The following PHF24 variants were observed in gnomAD, a reference collection of about 807,000 sequenced individuals.
The protein encoded by PHF24 is Galpha inhibitory interacting protein.
PHF24 carries 25 observed loss-of-function variants against 42.6 expected under a neutral mutation model. The observed-to-expected ratio is 0.59, with a 90% confidence interval of 0.43 to 0.82. The LOEUF is 0.82. Ranked by LOEUF, PHF24 falls within the 40% of genes least tolerant of loss-of-function variation. The probability of loss-of-function intolerance (pLI) is 0.00; values close to 1 mark genes in which losing one functional copy is unlikely to be tolerated. For missense variants in PHF24, 470 were observed against 538.1 expected (o/e 0.87, Z 1.25); for synonymous variants, 185 against 204.8 (o/e 0.90, Z 0.83).
At chr9:34,943,598 C>T in the PHF24 span, among the ~76,000 whole-genome samples, 1 of 152,154 alleles carries the variant, frequency 6.6e-6, no homozygotes, top group African/African-American at 2.4e-5. Context: ...ATTTTCCCTT[C>T]CTTGGTTTAT....
the PHF24 span, among the ~76,000 whole-genome samples, chr9:34,762,664 G>GGTGACCACA: frequency 6.7e-6 from 1 of 148,696 alleles, no homozygotes; most frequent in Non-Finnish European, 1.5e-5. Context: ...TCACTCTGAT[G>GGTGACCACA]GTAGTTTCTT....
chr9:34,810,541 C>T, the PHF24 span, among the ~76,000 whole-genome samples: 3 of 152,098 alleles, frequency 2.0e-5, no homozygotes, highest in Admixed American at 6.5e-5. Flanking sequence ...GCAGGAGCCT[C>T]GTGATGGTGG....
the PHF24 span, among the ~76,000 whole-genome samples, chr9:34,738,194 A>G: frequency 1.8e-4 from 28 of 152,242 alleles, no homozygotes; most frequent in Non-Finnish European, 2.9e-4. Context: ...ATCCCAAACA[A>G]GACTGCCTAG....
At chr9:34,868,381 G>C in the PHF24 span, among the ~76,000 whole-genome samples, 4 of 152,144 alleles carry the variant, frequency 2.6e-5, no homozygotes, top group East Asian at 1.9e-4. Context: ...ATCTCGATTC[G>C]TTTTCCTCTG....
At chr9:34,884,226 G>T in the PHF24 span, among the ~76,000 whole-genome samples, 4 of 152,138 alleles carry the variant, frequency 2.6e-5, no homozygotes, top group African/African-American at 7.2e-5. Context: ...GGAGTTGGGG[G>T]AGTGGGGAGG....
At chr9:34,967,067 A>G (rs1826801113) in intron 1 of PHF24, among the ~76,000 whole-genome samples, 1 of 151,850 alleles carries the variant, frequency 6.6e-6, no homozygotes, top group Non-Finnish European at 1.5e-5. Context: ...ACATATACCC[A>G]CAGGTGAAAG....
the PHF24 span, among the ~76,000 whole-genome samples, chr9:34,784,883 A>G: frequency 6.6e-6 from 1 of 152,216 alleles, no homozygotes; most frequent in African/African-American, 2.4e-5. Flanking sequence ...AGTTTTTTCT[A>G]ATGTGGTCTT....
the PHF24 span, among the ~76,000 whole-genome samples, chr9:34,869,892 A>G: frequency 9.8e-5 from 15 of 152,288 alleles, no homozygotes; most frequent in Admixed American, 9.2e-4. Context: ...TTAGGAAGGC[A>G]GAAATTCCCA....
At chr9:34,878,782 C>T in the PHF24 span, among the ~76,000 whole-genome samples, 1 of 152,214 alleles carries the variant, frequency 6.6e-6, no homozygotes, top group Non-Finnish European at 1.5e-5. Context: ...GACTTCACGT[C>T]TGGGGGCAGG....
the PHF24 span, among the ~76,000 whole-genome samples, chr9:34,796,440 T>C: frequency 6.6e-6 from 1 of 151,942 alleles, no homozygotes; most frequent in Non-Finnish European, 1.5e-5. Flanking sequence ...AACAAGATAT[T>C]GACTGGGAAA....
the PHF24 span, among the ~76,000 whole-genome samples, chr9:34,907,869 G>T: frequency 6.6e-6 from 1 of 151,952 alleles, no homozygotes; most frequent in South Asian, 2.1e-4. Flanking sequence ...CCAAGATGGA[G>T]TCTTGCTCTG....
intron 1 of PHF24, among the ~76,000 whole-genome samples, chr9:34,968,083 C>T (rs994731885): frequency 3.9e-5 from 6 of 152,168 alleles, no homozygotes; most frequent in Non-Finnish European, 5.9e-5. Context: ...AAAGTACATA[C>T]AGTACAAAAA....
chr9:34,853,584 T>C, the PHF24 span, among the ~76,000 whole-genome samples: 1 of 151,922 alleles, frequency 6.6e-6, no homozygotes, highest in Admixed American at 6.6e-5. Flanking sequence ...ATCCCAGCAC[T>C]TTGGGAGGCC....
At chr9:34,946,638 C>T in the PHF24 span, among the ~76,000 whole-genome samples, 1 of 152,060 alleles carries the variant, frequency 6.6e-6, no homozygotes, top group South Asian at 2.1e-4. Flanking sequence ...TAAATGCTGA[C>T]ATAATTTTTA....
the PHF24 span, among the ~76,000 whole-genome samples, chr9:34,703,038 G>A: frequency 6.6e-6 from 1 of 152,162 alleles, no homozygotes; most frequent in African/African-American, 2.4e-5. Flanking sequence ...ATATTTCACA[G>A]GTAAGCGATT....
chr9:34,938,309 T>C, the PHF24 span, among the ~76,000 whole-genome samples: 5 of 152,332 alleles, frequency 3.3e-5, no homozygotes, highest in Admixed American at 1.3e-4. Flanking sequence ...CTTCCCTTGT[T>C]ACCTCAAGAA....
the PHF24 span, among the ~76,000 whole-genome samples, chr9:34,779,700 A>G: frequency 1.2e-4 from 19 of 152,290 alleles, no homozygotes; most frequent in African/African-American, 4.6e-4. Flanking sequence ...CCCACAACTA[A>G]ACTCTCACAT....
the PHF24 span, among the ~76,000 whole-genome samples, chr9:34,714,791 G>C: frequency 5.9e-5 from 9 of 152,324 alleles, no homozygotes; most frequent in Admixed American, 6.5e-5. Context: ...GCAGGGAAGA[G>C]GAGGGGGCTG....
At chr9:34,702,693 C>T in the PHF24 span, among the ~76,000 whole-genome samples, 1 of 152,110 alleles carries the variant, frequency 6.6e-6, no homozygotes, top group Non-Finnish European at 1.5e-5. Context: ...GCCTGTAATC[C>T]CAGCACTTTG....
Sources: allele counts gnomAD v4.1 joint callset (sites outside exome capture counted in the v4.1 genomes callset), GRCh38; gene constraint gnomAD v4.1.1; transcripts MANE v1.5; gene names NCBI Gene and HGNC (gene_info 2026-07-23, HGNC 2026-07-21).